Variants in SOX5 observed in about 807,000 individuals in gnomAD.
SOX5 encodes the protein transcription factor SOX-5.
SOX5 carries 9 observed loss-of-function variants against 92.0 expected under a neutral mutation model. That is an observed-to-expected ratio of 0.10 (90% CI 0.06 to 0.17). The LOEUF is 0.17. Among genes scored for constraint, SOX5 ranks in the 10% least tolerant of loss-of-function variants. SOX5 has a pLI of 1.00. For synonymous variants in SOX5, 344 were observed against 336.3 expected (o/e 1.02, Z -0.25); for missense variants, 642 against 944.5 (o/e 0.68, Z 4.20).
intron 2 of SOX5, among the ~76,000 whole-genome samples, chr12:23,865,718 A>G (rs2096804506): frequency 6.6e-6 from 1 of 152,200 alleles, no homozygotes; most frequent in Admixed American, 6.5e-5. Flanking sequence ...TATTGCTGCC[A>G]TATATAATGA....
chr12:23,641,758 T>C (rs17470383), intron 7 of SOX5, among the ~76,000 whole-genome samples: 12,072 of 152,278 alleles, frequency 0.079, 623 homozygotes, highest in Non-Finnish European at 0.11. Flanking sequence ...GTACATTATT[T>C]GTCATCTGAC....
chr12:24,112,287 A>T (rs1202700392), intron 4 of SOX5, among the ~76,000 whole-genome samples: 1 of 152,198 alleles, frequency 6.6e-6, no homozygotes, highest in Non-Finnish European at 1.5e-5. Context: ...CTCTCAAAAA[A>T]GTTTTATGGA....
At chr12:23,647,565 A>G (rs2081026028) in intron 7 of SOX5, among the ~76,000 whole-genome samples, 1 of 152,174 alleles carries the variant, frequency 6.6e-6, no homozygotes, top group Admixed American at 6.5e-5. Flanking sequence ...TTTTATCTAC[A>G]CTGAAAATCT....
At chr12:23,987,888 A>C (rs1242016080) in intron 4 of SOX5, among the ~76,000 whole-genome samples, 2 of 152,210 alleles carry the variant, frequency 1.3e-5, no homozygotes, top group Non-Finnish European at 2.9e-5. Flanking sequence ...ATACAGTTTG[A>C]TATACATTAT....
At chr12:23,597,020 A>G (rs1952591529) in intron 9 of SOX5, among the ~76,000 whole-genome samples, 2 of 152,188 alleles carry the variant, frequency 1.3e-5, no homozygotes, top group African/African-American at 4.8e-5. Context: ...GGTGAAATCT[A>G]CTTTGGGTTG....
chr12:24,134,323 A>G (rs542053543), intron 4 of SOX5, among the ~76,000 whole-genome samples: 4 of 152,204 alleles, frequency 2.6e-5, no homozygotes, highest in Admixed American at 6.5e-5. Flanking sequence ...TCTGCAACAG[A>G]GAACACTGTG....
At chr12:23,909,768 A>G (rs1349537868) in intron 1 of SOX5, among the ~76,000 whole-genome samples, 3 of 152,036 alleles carry the variant, frequency 2.0e-5, no homozygotes, top group Non-Finnish European at 4.4e-5. Context: ...AGAAGCCTTG[A>G]TGGAGAAAAG....
intron 4 of SOX5, among the ~76,000 whole-genome samples, chr12:24,182,400 C>A (rs946513214): frequency 6.6e-6 from 1 of 152,164 alleles, no homozygotes; most frequent in African/African-American, 2.4e-5. Context: ...AGATATCAGT[C>A]CACATATTTC....
chr12:24,050,579 G>C (rs1957469221), intron 4 of SOX5, among the ~76,000 whole-genome samples: 1 of 152,134 alleles, frequency 6.6e-6, no homozygotes, highest in South Asian at 2.1e-4. Flanking sequence ...TCTATGAAAA[G>C]GTCATCCTTT....
At chr12:23,723,778 G>A (rs1016092602) in intron 6 of SOX5, among the ~76,000 whole-genome samples, 4 of 151,686 alleles carry the variant, frequency 2.6e-5, no homozygotes, top group African/African-American at 9.7e-5. Context: ...TTAAATATAT[G>A]TATATGACAT....
At chr12:24,379,127 C>T (rs2136337619) in intron 1 of SOX5, among the ~76,000 whole-genome samples, 1 of 152,342 alleles carries the variant, frequency 6.6e-6, no homozygotes, top group South Asian at 2.1e-4. Flanking sequence ...TATGCACCCT[C>T]TCTTACTAGG....
chr12:23,893,826 T>C (rs889775997), intron 2 of SOX5, among the ~76,000 whole-genome samples: 2 of 152,200 alleles, frequency 1.3e-5, no homozygotes, highest in East Asian at 3.8e-4. Context: ...TTAACCTTTG[T>C]AAGAGGAAGA....
chr12:24,174,433 G>A (rs564784516), intron 4 of SOX5, among the ~76,000 whole-genome samples: 2 of 152,184 alleles, frequency 1.3e-5, no homozygotes, highest in African/African-American at 4.8e-5. Flanking sequence ...ATTACTTGGG[G>A]AGATAGAAGG....
chr12:23,725,456 C>T (rs182507448), intron 6 of SOX5, among the ~76,000 whole-genome samples: 1 of 152,084 alleles, frequency 6.6e-6, no homozygotes, highest in Non-Finnish European at 1.5e-5. Flanking sequence ...ATCATGAGAA[C>T]AGCATGGGAA....
chr12:23,769,804 A>G (rs78022760), intron 3 of SOX5, among the ~76,000 whole-genome samples: 2,822 of 152,214 alleles, frequency 0.019, 88 homozygotes, highest in African/African-American at 0.064. Context: ...GAACAATCCA[A>G]TGCTAAGAGG....
intron 2 of SOX5, among the ~76,000 whole-genome samples, chr12:24,333,244 A>G (rs1951528368): frequency 1.4e-5 from 2 of 139,514 alleles, no homozygotes; most frequent in South Asian, 4.9e-4. Flanking sequence ...ACTTACCAGC[A>G]AAAAAAGTAT....
intron 3 of SOX5, among the ~76,000 whole-genome samples, chr12:24,264,650 G>A (rs1942746110): frequency 6.6e-6 from 1 of 152,188 alleles, no homozygotes; most frequent in East Asian, 1.9e-4. Context: ...AAGGCATTTG[G>A]TTACAAAAGT....
At chr12:24,228,945 C>A (rs1000776568) in intron 3 of SOX5, among the ~76,000 whole-genome samples, 1 of 152,168 alleles carries the variant, frequency 6.6e-6, no homozygotes, top group Non-Finnish European at 1.5e-5. Flanking sequence ...AATGGTTAAT[C>A]GAGCCCATAT....
At chr12:24,467,755 G>C (rs1190014018) in intron 1 of SOX5, among the ~76,000 whole-genome samples, 2 of 151,948 alleles carry the variant, frequency 1.3e-5, no homozygotes, top group African/African-American at 4.8e-5. Flanking sequence ...CCAACAGAGT[G>C]TCCAAGTTTG....
Sources: gnomAD v4.1 joint callset for allele counts (sites outside exome capture counted in the v4.1 genomes callset) on GRCh38, gnomAD v4.1.1 for gene constraint, MANE v1.5 for transcripts, NCBI Gene and HGNC (gene_info 2026-07-23, HGNC 2026-07-21) for gene names.